The following VPS13B variants were observed in gnomAD, a reference collection of about 807,000 sequenced individuals.
VPS13B encodes intermembrane lipid transfer protein VPS13B.
A neutral mutation model predicts 426.4 loss-of-function variants in VPS13B; 285 were observed. The observed-to-expected ratio is 0.67, with a 90% CI of 0.61 to 0.74. The LOEUF (loss-of-function observed/expected upper bound fraction) is 0.74, where lower values mean the gene tolerates loss of function less well. VPS13B is among the 30% of genes least tolerant of loss of function. The pLI, the probability that VPS13B is intolerant of heterozygous loss-of-function variation, is 0.00. For missense variants in VPS13B, 4,537 were observed against 4,782.6 expected, an observed-to-expected ratio of 0.95 and a Z score of 1.51; for synonymous variants, 1,676 against 1,676.4, an observed-to-expected ratio of 1.00 and a Z score of 0.01.
At chr8:99,751,843 C>T (rs1280331124) in intron 39 of VPS13B, among the ~76,000 whole-genome samples, 2 of 152,130 alleles carry the variant, frequency 1.3e-5, no homozygotes, top group Non-Finnish European at 2.9e-5. Context: ...AGAGTGTCTG[C>T]AGATATGCTA....
intron 22 of VPS13B, among the ~76,000 whole-genome samples, chr8:99,436,465 T>C (rs1296671188): frequency 2.0e-5 from 3 of 152,200 alleles, no homozygotes; most frequent in African/African-American, 7.2e-5. Flanking sequence ...GAATAAACTA[T>C]ATGGTTTATT....
At chr8:99,254,175 T>G (rs566832353) in intron 17 of VPS13B, among the ~76,000 whole-genome samples, 1 of 152,352 alleles carries the variant, frequency 6.6e-6, no homozygotes, top group African/African-American at 2.4e-5. Context: ...TATTTTATTC[T>G]TAACTTTCTG....
intron 17 of VPS13B, among the ~76,000 whole-genome samples, chr8:99,267,196 G>C (rs1199685261): frequency 1.3e-5 from 2 of 152,160 alleles, no homozygotes; most frequent in African/African-American, 4.8e-5. Flanking sequence ...ATGAAGTCTG[G>C]GTTGAGGTGG....
chr8:99,514,553 TCTTA>T (rs1434143846), intron 29 of VPS13B, among the ~76,000 whole-genome samples: 6 of 152,214 alleles, frequency 3.9e-5, no homozygotes, highest in African/African-American at 1.4e-4. Flanking sequence ...TTTGTGTCTG[TCTTA>T]CTTTACTTAG....
intron 16 of VPS13B, among the ~76,000 whole-genome samples, chr8:99,186,366 A>G (rs1237234738): frequency 6.6e-6 from 1 of 152,106 alleles, no homozygotes; most frequent in East Asian, 1.9e-4. Context: ...TGACACTTTA[A>G]TGACTCCCCC....
chr8:99,287,269 TCTATCTA>T (rs1819498008), intron 19 of VPS13B, among the ~76,000 whole-genome samples: 1 of 151,812 alleles, frequency 6.6e-6, no homozygotes, highest in African/African-American at 2.4e-5. Flanking sequence ...TATCTATCTA[TCTATCTA>T]TCTATCTATC....
chr8:99,623,358 T>C (rs1042288971), intron 33 of VPS13B, among the ~76,000 whole-genome samples: 4 of 152,208 alleles, frequency 2.6e-5, no homozygotes, highest in African/African-American at 7.2e-5. Flanking sequence ...TACTCTGCTC[T>C]TGTCTTTCTC....
At chr8:99,299,622 G>A (rs917304681) in intron 19 of VPS13B, among the ~76,000 whole-genome samples, 1 of 150,444 alleles carries the variant, frequency 6.6e-6, no homozygotes, top group South Asian at 2.1e-4. Context: ...CATTTTAAAA[G>A]TAAATTTGGC....
chr8:99,199,247 T>C (rs1814145511), intron 17 of VPS13B, among the ~76,000 whole-genome samples: 1 of 152,156 alleles, frequency 6.6e-6, no homozygotes, highest in South Asian at 2.1e-4. Flanking sequence ...AGTGGCATGA[T>C]CTCGGCTCAC....
intron 40 of VPS13B, among the ~76,000 whole-genome samples, chr8:99,768,727 A>G (rs1811347047): frequency 6.6e-6 from 1 of 152,166 alleles, no homozygotes; most frequent in Non-Finnish European, 1.5e-5. Context: ...ATTAGTGAAA[A>G]TATATTAGAG....
intron 43 of VPS13B, among the ~76,000 whole-genome samples, chr8:99,805,213 A>G (rs1813335632): frequency 6.6e-6 from 1 of 151,444 alleles, no homozygotes; most frequent in Non-Finnish European, 1.5e-5. Flanking sequence ...AACATTACGT[A>G]TTACTGTAGG....
At chr8:99,696,444 A>G (rs1223556856) in intron 35 of VPS13B, 5 of 363,758 alleles carry the variant, frequency 1.4e-5, no homozygotes, top group Non-Finnish European at 2.7e-5. Flanking sequence ...TGACCAGGCA[A>G]AGCGCAGGCA....
chr8:99,222,498 A>G lies in VPS13B; in HGVS notation c.2515+29441A>G, dbSNP rs1815781995. 2.0e-5 allele frequency among the ~76,000 whole-genome samples: 3 copies of G among 152,288 alleles called. No homozygotes were observed. In the South Asian group the frequency reaches 6.2e-4, roughly 32 times the overall value. On this transcript the variant is annotated intron_variant, in intron 17 of 61. Transcript: ENST00000357162. ...TAATTATAGTAATAGCAGTGATCGA[A>G]TTTCTCTTGGATTATTTCATGATTT...
intron 21 of VPS13B, among the ~76,000 whole-genome samples, chr8:99,430,257 G>C (rs1817017398): frequency 6.6e-6 from 1 of 152,122 alleles, no homozygotes; most frequent in South Asian, 2.1e-4. Flanking sequence ...AAGTTAGGGG[G>C]AGAGGGGAAG....
chr8:99,360,184 TTCTTTC>T (rs1453379335), intron 19 of VPS13B, among the ~76,000 whole-genome samples: 2,310 of 34,462 alleles, frequency 0.067, 30 homozygotes, highest in Admixed American at 0.083. Context: ...CTTTCTTTCT[TTCTTTC>T]TCTCTCTCTC....
chr8:99,164,728 C>G (rs190054850), intron 15 of VPS13B, among the ~76,000 whole-genome samples: 39 of 152,222 alleles, frequency 2.6e-4, no homozygotes, highest in Non-Finnish European at 2.1e-4. Context: ...GTCTCTTCTT[C>G]TCTTTTTAAC....
chr8:99,146,247 G>T (rs762961007), intron 13 of VPS13B, among the ~76,000 whole-genome samples: 89 of 152,112 alleles, frequency 5.9e-4, no homozygotes, highest in Non-Finnish European at 6.5e-4. Context: ...TTAGATAGGG[G>T]TTTATTTATG....
At chr8:99,756,612 G>A (rs1474079541) in intron 39 of VPS13B, among the ~76,000 whole-genome samples, 2 of 151,972 alleles carry the variant, frequency 1.3e-5, no homozygotes, top group Non-Finnish European at 2.9e-5. Flanking sequence ...CACATATAAG[G>A]GATATTCTAA....
intron 21 of VPS13B, among the ~76,000 whole-genome samples, chr8:99,412,647 C>T (rs1164060800): frequency 6.6e-6 from 1 of 152,124 alleles, no homozygotes; most frequent in East Asian, 1.9e-4. Flanking sequence ...TTGTCTTTTG[C>T]TGGTTTTCAA....
Sources: gnomAD v4.1 joint callset for allele counts (sites outside exome capture counted in the v4.1 genomes callset) on GRCh38, gnomAD v4.1.1 for gene constraint, MANE v1.5 for transcripts, NCBI Gene and HGNC (gene_info 2026-07-23, HGNC 2026-07-21) for gene names.